The following RSRC1 variants were observed in gnomAD, a reference collection of about 807,000 sequenced individuals.
The protein encoded by RSRC1 is serine/Arginine-related protein 53.
RSRC1 carries 39 observed loss-of-function variants against 49.1 expected under a neutral mutation model. The observed-to-expected ratio is 0.79, with a 90% CI of 0.61 to 1.04. The LOEUF (loss-of-function observed/expected upper bound fraction) is 1.04, where lower values mean the gene tolerates loss of function less well. Among genes scored for constraint, RSRC1 ranks in the 50% least tolerant of loss-of-function variants. The pLI is 0.00. For synonymous variants in RSRC1, 143 were observed against 130.8 expected (o/e 1.09, Z -0.63); for missense variants, 388 against 402.4 (o/e 0.96, Z 0.31).
intron 7 of RSRC1, among the ~76,000 whole-genome samples, chr3:158,476,404 G>A (rs1738369680): frequency 6.6e-6 from 1 of 152,196 alleles, no homozygotes; most frequent in Admixed American, 6.5e-5. Flanking sequence ...GTCATAGGTA[G>A]AGAGGTGAAG....
At chr3:158,538,510 T>A (rs1392720439) in intron 8 of RSRC1, among the ~76,000 whole-genome samples, 1 of 151,914 alleles carries the variant, frequency 6.6e-6, no homozygotes, top group Non-Finnish European at 1.5e-5. Context: ...TCCTAATATT[T>A]GTTTGTGAAG....
chr3:158,120,174 T>TACC (rs1715152469), intron 1 of RSRC1, among the ~76,000 whole-genome samples: 1 of 152,204 alleles, frequency 6.6e-6, no homozygotes, highest in Non-Finnish European at 1.5e-5. Flanking sequence ...GGTAATCTTT[T>TACC]ACCTATTGTA....
chr3:158,166,031 A>G (rs1268294243), intron 3 of RSRC1, among the ~76,000 whole-genome samples: 1 of 152,162 alleles, frequency 6.6e-6, no homozygotes, highest in Non-Finnish European at 1.5e-5. Flanking sequence ...CAATTCTGAC[A>G]TTTACCAGAG....
intron 6 of RSRC1, among the ~76,000 whole-genome samples, chr3:158,451,339 G>A (rs1028950844): frequency 5.3e-5 from 8 of 151,958 alleles, no homozygotes; most frequent in African/African-American, 1.7e-4. Flanking sequence ...TTGTACTTGG[G>A]AGGAGCTGAT....
chr3:158,323,846 T>C (rs1170370722), intron 5 of RSRC1, among the ~76,000 whole-genome samples: 1 of 152,218 alleles, frequency 6.6e-6, no homozygotes, highest in East Asian at 1.9e-4. Context: ...TATCTCCTCT[T>C]GTTACCTCTT....
chr3:158,475,663 A>G (rs1474158468), intron 7 of RSRC1, among the ~76,000 whole-genome samples: 1 of 152,174 alleles, frequency 6.6e-6, no homozygotes, highest in Non-Finnish European at 1.5e-5. Context: ...ATATAAGACA[A>G]TGAACTTAAT....
chr3:158,289,835 G>T (rs1726809942), intron 4 of RSRC1, among the ~76,000 whole-genome samples: 1 of 152,010 alleles, frequency 6.6e-6, no homozygotes, highest in African/African-American at 2.4e-5. Flanking sequence ...GTACCTTCTT[G>T]CAAATAGAAC....
At chr3:158,167,572 A>G (rs1410504644) in intron 3 of RSRC1, among the ~76,000 whole-genome samples, 1 of 152,204 alleles carries the variant, frequency 6.6e-6, no homozygotes, top group Non-Finnish European at 1.5e-5. Flanking sequence ...AAATGGGCAA[A>G]ATGTTAATAT....
At chr3:158,541,575 A>G (rs918311578) in intron 8 of RSRC1, among the ~76,000 whole-genome samples, 3 of 152,204 alleles carry the variant, frequency 2.0e-5, no homozygotes, top group African/African-American at 7.2e-5. Flanking sequence ...TAATTCATGC[A>G]TATTTTATCC....
chr3:158,163,194 G>C (rs188136104), intron 3 of RSRC1, among the ~76,000 whole-genome samples: 261 of 152,118 alleles, frequency 1.7e-3, no homozygotes, highest in Middle Eastern at 3.4e-3. Context: ...GTAGAGATGG[G>C]GTTTCACCAT....
At chr3:158,303,320 TATGCCCCCTTTGGCAAGGAATGAA>T (rs1404782687) in intron 5 of RSRC1, 6 of 152,232 alleles carry the variant, frequency 3.9e-5, no homozygotes, top group Non-Finnish European at 5.9e-5. Context: ...ACAGCTGTGC[TATGCCCCCTTTGGCAAGGAATGAA>T]ATGAATTATC....
intron 3 of RSRC1, among the ~76,000 whole-genome samples, chr3:158,137,778 C>T (rs113055218): frequency 0.036 from 5,516 of 151,812 alleles, 327 homozygotes; most frequent in African/African-American, 0.13. Context: ...CTCAGCCTCC[C>T]GAGTAGCTGG....
chr3:158,217,484 G>C (rs1489953023), intron 4 of RSRC1, among the ~76,000 whole-genome samples: 1 of 151,514 alleles, frequency 6.6e-6, no homozygotes, highest in African/African-American at 2.4e-5. Flanking sequence ...CAATATTCTG[G>C]GATTGAAGAG....
chr3:158,169,747 T>C (rs1275806592), intron 3 of RSRC1, among the ~76,000 whole-genome samples: 1 of 152,128 alleles, frequency 6.6e-6, no homozygotes, highest in Admixed American at 6.6e-5. Context: ...TCTTTTTTAT[T>C]AAGATCCTCA....
intron 6 of RSRC1, among the ~76,000 whole-genome samples, chr3:158,421,319 C>G (rs769057097): frequency 9.9e-5 from 15 of 151,798 alleles, no homozygotes; most frequent in Non-Finnish European, 1.9e-4. Context: ...TATCCTAAGT[C>G]AAAAACTATT....
At chr3:158,430,992 A>G (rs1220830707) in intron 6 of RSRC1, among the ~76,000 whole-genome samples, 1 of 151,964 alleles carries the variant, frequency 6.6e-6, no homozygotes, top group Non-Finnish European at 1.5e-5. Flanking sequence ...CACAAGACAC[A>G]TTAGCATATT....
chr3:158,204,549 A>G (rs571794705), intron 4 of RSRC1, among the ~76,000 whole-genome samples: 2 of 152,302 alleles, frequency 1.3e-5, no homozygotes, highest in East Asian at 3.9e-4. Context: ...GTAAAATGGA[A>G]TGAAGGCAGA....
chr3:158,193,946 A>G (rs827149), intron 3 of RSRC1, among the ~76,000 whole-genome samples: 99,646 of 151,834 alleles, frequency 0.66, 32,939 homozygotes, highest in East Asian at 0.84. Flanking sequence ...TCAGGTCGAC[A>G]TACTAGTTCA....
intron 6 of RSRC1, among the ~76,000 whole-genome samples, chr3:158,435,024 T>G (rs1429159919): frequency 6.6e-6 from 1 of 151,990 alleles, no homozygotes. Flanking sequence ...TTTTATTTAA[T>G]GAGGTTTTCT....
Sources: gnomAD v4.1 joint callset for allele counts (sites outside exome capture counted in the v4.1 genomes callset) on GRCh38, gnomAD v4.1.1 for gene constraint, MANE v1.5 for transcripts, NCBI Gene and HGNC (gene_info 2026-07-23, HGNC 2026-07-21) for gene names.